ZRANB3: variants seen among roughly 807,000 people sequenced by gnomAD.
The protein encoded by ZRANB3 is DNA annealing helicase and endonuclease ZRANB3.
Under a neutral mutation model 133.8 loss-of-function variants are expected in ZRANB3, and 125 were observed. That is an observed-to-expected ratio of 0.93 (90% CI 0.81 to 1.08). The LOEUF is 1.08. Among genes scored for constraint, ZRANB3 ranks in the 50% least tolerant of loss-of-function variants. The pLI, the probability that ZRANB3 is intolerant of heterozygous loss-of-function variation, is 0.00. For synonymous variants in ZRANB3, 387 were observed against 432.7 expected, an observed-to-expected ratio of 0.89 and a Z score of 1.31; for missense variants, 1,229 against 1,275.5, an observed-to-expected ratio of 0.96 and a Z score of 0.56.
intron 8 of ZRANB3, among the ~76,000 whole-genome samples, chr2:135,283,711 T>C (rs1344085802): frequency 6.6e-6 from 1 of 152,104 alleles, no homozygotes; most frequent in Non-Finnish European, 1.5e-5. Context: ...ATCAACTTTG[T>C]CCTACTAAAG....
chr2:135,339,050 A>G (rs1419002960), intron 6 of ZRANB3, among the ~76,000 whole-genome samples: 1 of 152,086 alleles, frequency 6.6e-6, no homozygotes, highest in Non-Finnish European at 1.5e-5. Context: ...CTGAAGTGGG[A>G]GGATCGCTGA....
At chr2:135,205,734 T>G (rs4953949) in intron 19 of ZRANB3, among the ~76,000 whole-genome samples, 29,981 of 152,158 alleles carry the variant, frequency 0.2, 4,008 homozygotes, top group African/African-American at 0.35. Context: ...ATGATAGTGT[T>G]CTATAAATAA....
intron 2 of ZRANB3, among the ~76,000 whole-genome samples, chr2:135,496,252 C>T (rs919719697): frequency 2.6e-4 from 39 of 151,860 alleles, no homozygotes; most frequent in African/African-American, 7.2e-4. Context: ...GGCGTGGTGG[C>T]GTGCGACTGT....
chr2:135,414,098 T>C (rs1274752571), intron 2 of ZRANB3, among the ~76,000 whole-genome samples: 1 of 151,488 alleles, frequency 6.6e-6, no homozygotes, highest in African/African-American at 2.4e-5. Context: ...AATTCACACA[T>C]AACAATATTA....
intron 3 of ZRANB3, among the ~76,000 whole-genome samples, chr2:135,360,822 C>T (rs1364763512): frequency 3.9e-5 from 6 of 152,064 alleles, no homozygotes; most frequent in Admixed American, 3.9e-4. Context: ...AGTGCTGTGG[C>T]CTGGCCTGAT....
At chr2:135,383,707 C>T (rs999201511) in intron 3 of ZRANB3, among the ~76,000 whole-genome samples, 25 of 152,152 alleles carry the variant, frequency 1.6e-4, no homozygotes, top group African/African-American at 2.9e-4. Flanking sequence ...CAAAACCACA[C>T]GACTACGTGG....
rs527431190 is a variant in ZRANB3, at chr2:135,351,270, T to C, written c.360-1055A>G. 1.1e-3 allele frequency among the ~76,000 whole-genome samples: 155 copies of C among 147,432 alleles called. 1 individual carries two copies. Among genetic ancestry groups the C allele is most frequent in the South Asian group, 1.8e-3 (8 of 4,556 alleles). ...ATACAGAGACCTATAATTTTCTTTT[T>C]TTTTTTTTTTTTTTTGAGACAGAGT... is the stretch of plus-strand genomic sequence containing the variant. On this transcript the variant is annotated intron_variant, in intron 4 of 20. Coordinates refer to ENST00000264159, the MANE Select transcript of ZRANB3 (RefSeq NM_032143.4).
intron 8 of ZRANB3, among the ~76,000 whole-genome samples, chr2:135,312,123 ATT>A (rs1683009918): frequency 3.0e-5 from 3 of 100,638 alleles, no homozygotes; most frequent in East Asian, 5.6e-4. Context: ...TTATTTTTTT[ATT>A]TTATTTTATT....
At chr2:135,298,436 A>C (rs1280503256) in intron 8 of ZRANB3, among the ~76,000 whole-genome samples, 2 of 151,968 alleles carry the variant, frequency 1.3e-5, no homozygotes, top group Non-Finnish European at 2.9e-5. Flanking sequence ...GTTCCTTCTC[A>C]TTTGGGTAGA....
At chr2:135,507,826 ATGCC>A (rs1213512297) in intron 1 of ZRANB3, among the ~76,000 whole-genome samples, 1 of 152,096 alleles carries the variant, frequency 6.6e-6, no homozygotes, top group African/African-American at 2.4e-5. Context: ...GTGGGGGTGC[ATGCC>A]TGTAGTCCCA....
chr2:135,472,102 GA>G (rs1691294682), intron 2 of ZRANB3, among the ~76,000 whole-genome samples: 1 of 152,190 alleles, frequency 6.6e-6, no homozygotes, highest in African/African-American at 2.4e-5. Flanking sequence ...CTTTATATCT[GA>G]TGGGAAACTA....
chr2:135,316,985 T>TAC (rs59447395), intron 6 of ZRANB3, among the ~76,000 whole-genome samples: 1 of 126,208 alleles, frequency 7.9e-6, no homozygotes, highest in African/African-American at 3.0e-5. Context: ...AAAAAAAAAA[T>TAC]ATATATATAT....
At chr2:135,273,959 A>C (rs1319998746) in intron 9 of ZRANB3, among the ~76,000 whole-genome samples, 1 of 152,208 alleles carries the variant, frequency 6.6e-6, no homozygotes, top group Non-Finnish European at 1.5e-5. Flanking sequence ...GGTATAATGG[A>C]ATCAGAATAA....
At chr2:135,509,715 G>T (rs1242596130) in intron 1 of ZRANB3, among the ~76,000 whole-genome samples, 1 of 152,064 alleles carries the variant, frequency 6.6e-6, no homozygotes, top group Admixed American at 6.5e-5. Flanking sequence ...CCATCCAGTT[G>T]CATTCTAGAC....
chr2:135,340,775 G>A (rs746040038), intron 6 of ZRANB3, among the ~76,000 whole-genome samples: 1 of 140,464 alleles, frequency 7.1e-6, no homozygotes. Context: ...AGAATTGCTT[G>A]AACCTAGGAG....
intron 12 of ZRANB3, among the ~76,000 whole-genome samples, chr2:135,247,673 C>G (rs1695860225): frequency 6.6e-6 from 1 of 152,114 alleles, no homozygotes; most frequent in South Asian, 2.1e-4. Context: ...CAACAGCCTG[C>G]AGGCCCCATT....
chr2:135,400,416 G>C (rs1447489135), intron 2 of ZRANB3, among the ~76,000 whole-genome samples: 2 of 151,872 alleles, frequency 1.3e-5, no homozygotes, highest in Non-Finnish European at 2.9e-5. Flanking sequence ...CATGATCTCG[G>C]TTCACTGCAA....
Position 135,210,840 on chromosome 2 carries a change from T to TG in ZRANB3, c.2496-1863_2496-1862insC, listed in dbSNP as rs1694067161. Among the ~76,000 whole-genome samples, 9 of 152,212 alleles carry TG rather than the reference T, an allele frequency of 5.9e-5. No homozygotes were observed. The South Asian group carries it at 1.9e-3, about 32-fold the overall frequency. On this transcript the variant is annotated intron_variant, in intron 17 of 20. Transcript: ENST00000264159. ...GTAAGGGGGAATATCTTTTCACACATTCACATGGTGAAACCCTGTCTCTAC... is the reference window on the plus strand; with the variant it reads ...GTAAGGGGGAATATCTTTTCACACATGTCACATGGTGAAACCCTGTCTCTAC...
intron 2 of ZRANB3, among the ~76,000 whole-genome samples, chr2:135,458,847 A>G (rs969849017): frequency 5.9e-5 from 9 of 152,158 alleles, no homozygotes; most frequent in African/African-American, 1.9e-4. Context: ...CCTTACATAC[A>G]TTACTTTGAC....
Sources: gnomAD v4.1 joint callset for allele counts (sites outside exome capture counted in the v4.1 genomes callset) on GRCh38, gnomAD v4.1.1 for gene constraint, MANE v1.5 for transcripts, NCBI Gene and HGNC (gene_info 2026-07-23, HGNC 2026-07-21) for gene names.